TUBD1: variants seen among roughly 807,000 people sequenced by gnomAD.
The protein encoded by TUBD1 is tubulin delta chain.
In TUBD1, 38 loss-of-function variants were observed where a neutral mutation model predicts 51.2. The ratio of observed to expected loss-of-function variants is 0.74; its 90% confidence interval spans 0.57 to 0.97. The LOEUF (loss-of-function observed/expected upper bound fraction) is 0.97. Ranked by LOEUF, TUBD1 falls within the 50% of genes least tolerant of loss-of-function variation. The pLI, the probability that TUBD1 is intolerant of heterozygous loss-of-function variation, is 0.00. For synonymous variants in TUBD1, 169 were observed against 178.2 expected (o/e 0.95, Z 0.41); for missense variants, 489 against 538.4 (o/e 0.91, Z 0.91).
intron 4 of TUBD1, 44 bp downstream of exon 4, chr17:59,880,850 G>T (rs1178154321): frequency 1.3e-6 from 2 of 1,550,266 alleles, no homozygotes; most frequent in African/African-American, 1.4e-5. Context: ...TATTTCTATT[G>T]CAAAGAACAT....
rs1413602486 is a variant in TUBD1 at position 59,876,868 on chromosome 17, C to T, written c.769+1235G>A. ...TTCAGCTACTCTTACCTTAACCATTCTTTTTTTTTTTTTTAAATGGAGTCT... is the reference window on the plus strand; with the variant it reads ...TTCAGCTACTCTTACCTTAACCATTTTTTTTTTTTTTTTTAAATGGAGTCT... On this transcript the variant is annotated intron_variant, in intron 5 of 8. Transcript: ENST00000325752. Among the ~76,000 whole-genome samples, 3 of 143,386 alleles carry T rather than the reference C, an allele frequency of 2.1e-5. No homozygotes were observed. In the East Asian group the frequency reaches 6.1e-4, roughly 29 times the overall value. 94.1% of individuals were successfully genotyped at this position (143,386 alleles called of 152,430 possible).
intron 6 of TUBD1, 80 bp downstream of exon 6, chr17:59,874,453 AACTGGT>A (rs1443634289): frequency 1.5e-6 from 2 of 1,361,686 alleles, no homozygotes; most frequent in African/African-American, 2.9e-5. Context: ...CCATTATTTA[AACTGGT>A]CCAAGCCAGT....
At chr17:59,882,457 T>C (rs1255125900) in intron 3 of TUBD1, among the ~76,000 whole-genome samples, 1 of 151,924 alleles carries the variant, frequency 6.6e-6, no homozygotes, top group African/African-American at 2.4e-5. Flanking sequence ...CGGCTGATTT[T>C]TGTATTTTTA....
chr17:59,883,089 G>A (rs931334991), intron 3 of TUBD1, among the ~76,000 whole-genome samples: 22 of 151,436 alleles, frequency 1.5e-4, no homozygotes, highest in African/African-American at 3.2e-4. Flanking sequence ...CCAGCCGCCC[G>A]GCTAATTTCT....
rs756034077 is a variant in TUBD1 at position 59,866,698 on chromosome 17, T to C, written c.986A>G (p.Lys329Arg). 8.1e-6 allele frequency: 13 copies of C among 1,614,182 alleles called. No individual in the cohort carries two copies. Among genetic ancestry groups the C allele is most frequent in the Non-Finnish European group, 1.0e-5 (12 of 1,180,042 alleles). ...PPLSGLPPLS[K>R]MSLNKDLHFN... ...ATGCAGGTCCTTGTTGAGAGACATT[T>C]TACTAAGAGGAGGAAGTCCTGATAA... Residue 329 changes from lysine to arginine, a missense_variant, in exon 7 of 9, where the codon AAA becomes AGA. Physicochemically the swap from Lys to Arg is conservative, Grantham distance 26. Transcript: ENST00000325752.
chr17:59,888,182 G>T lies in TUBD1; in HGVS notation c.173-1952C>A, dbSNP rs920279620. Among the ~76,000 whole-genome samples the T allele has an allele frequency of 2.0e-5, 3 of 152,040 alleles. No individual in the cohort carries two copies. The East Asian group carries it at 5.8e-4, about 29-fold the overall frequency. On this transcript the variant is annotated intron_variant, in intron 2 of 8. Coordinates refer to ENST00000325752, the MANE Select transcript of TUBD1 (RefSeq NM_016261.4). ...GATCTCCTGACCTCATGATTCGCCCGCCTCGACCTCCCAAAGTGCTGGGAT... is the reference window on the plus strand; with the variant it reads ...GATCTCCTGACCTCATGATTCGCCCTCCTCGACCTCCCAAAGTGCTGGGAT...
intron 2 of TUBD1, chr17:59,886,491 G>A: frequency 6.3e-6 from 2 of 317,908 alleles, no homozygotes; most frequent in Non-Finnish European, 1.2e-5. Flanking sequence ...ATTAGCCGGC[G>A]TGGTGGCATG....
rs954091279 is a variant in TUBD1 at position 59,883,064 on chromosome 17, C to CGA, written c.321-1956_321-1955dup. Among the ~76,000 whole-genome samples the CGA allele has an allele frequency of 1.1e-4, 16 of 151,922 alleles. No individual in the cohort carries two copies. In the Middle Eastern group the frequency reaches 0.014, roughly 131 times the overall value. ...CCTCCCAAACTGCTGGGATCACAAG[C>CGA]GAGAGCCACCATACCCAGCCGCCCG... On this transcript the variant is annotated intron_variant, in intron 3 of 8. Coordinates refer to ENST00000325752, the MANE Select transcript of TUBD1 (RefSeq NM_016261.4).
chr17:59,861,010 A>G (rs943838643), intron 8 of TUBD1, among the ~76,000 whole-genome samples: 1 of 151,982 alleles, frequency 6.6e-6, no homozygotes, highest in Non-Finnish European at 1.5e-5. Flanking sequence ...ATATATATAT[A>G]CATATATAAC....
chr17:59,878,382 T>A, intron 4 of TUBD1, 48 bp from the exon 5 acceptor site: 2 of 1,376,386 alleles, frequency 1.5e-6, no homozygotes, highest in Non-Finnish European at 2.1e-6. Flanking sequence ...AGAATAATGG[T>A]TAAGATTACA....
At chr17:59,872,264 T>A (rs1344743513) in intron 6 of TUBD1, among the ~76,000 whole-genome samples, 3 of 152,100 alleles carry the variant, frequency 2.0e-5, no homozygotes, top group Middle Eastern at 3.2e-3. Flanking sequence ...CTAATTTTTT[T>A]AAATTATTTT....
intron 6 of TUBD1, among the ~76,000 whole-genome samples, chr17:59,867,032 TG>T (rs1185090742): frequency 6.6e-6 from 1 of 152,128 alleles, no homozygotes; most frequent in African/African-American, 2.4e-5. Context: ...TGACCTCGAA[TG>T]ATCTGCCTGC....
At chr17:59,882,332 G>A (rs1015690996) in intron 3 of TUBD1, among the ~76,000 whole-genome samples, 8 of 152,048 alleles carry the variant, frequency 5.3e-5, no homozygotes, top group African/African-American at 1.9e-4. Context: ...CGCCCAGGCT[G>A]GGGTGCAGTG....
intron 3 of TUBD1, chr17:59,885,355 C>T (rs1768863471): frequency 1.4e-6 from 1 of 728,666 alleles, no homozygotes; most frequent in Admixed American, 1.9e-5. Flanking sequence ...GAATATGTCC[C>T]CCACACCTGT....
At chr17:59,885,763 A>G (rs1352208624) in intron 3 of TUBD1, among the ~76,000 whole-genome samples, 1 of 152,202 alleles carries the variant, frequency 6.6e-6, no homozygotes, top group Non-Finnish European at 1.5e-5. Flanking sequence ...AAAGTTTGGG[A>G]ACTACTGTCT....
At chr17:59,892,524 A>T (rs544738349) in intron 1 of TUBD1, among the ~76,000 whole-genome samples, 173 bp downstream of exon 1, 1 of 152,352 alleles carries the variant, frequency 6.6e-6, no homozygotes, top group African/African-American at 2.4e-5. Context: ...TCTGTGCTTA[A>T]AATGTCAAAC....
At chr17:59,878,073 C>T in intron 5 of TUBD1, 30 bp downstream of exon 5, 1 of 1,556,144 alleles carries the variant, frequency 6.4e-7, no homozygotes, top group Non-Finnish European at 8.8e-7. Flanking sequence ...ATAAGGCTTT[C>T]CTATAATTAA....
chr17:59,874,763 T>C, intron 5 of TUBD1, 60 bp from the exon 6 acceptor site: 1 of 1,397,284 alleles, frequency 7.2e-7, no homozygotes, highest in Non-Finnish European at 9.9e-7. Context: ...GCCAATAGTC[T>C]ATATATAACC....
Position 59,874,559 on chromosome 17 carries a change from G to A in TUBD1, c.914C>T (p.Ser305Phe), listed in dbSNP as rs1193826100. The A allele has an allele frequency of 1.2e-6, 2 of 1,610,944 alleles. No homozygotes were observed. The highest frequency in any genetic ancestry group is 1.7e-6 in the Non-Finnish European group (2 of 1,179,446). The change falls in exon 6 of 9, where the codon TCT becomes TTT. Residue 305 changes from serine to phenylalanine, a missense_variant. Ser to Phe is a radical substitution (Grantham distance 155). Transcript: ENST00000325752. Reference sequence around the variant, plus strand: ...TTTACCTTCTTCCATCTTTGCATTAGAAATGAGCATCTGTCTCAAATGCTT... The same window carrying A: ...TTTACCTTCTTCCATCTTTGCATTAAAAATGAGCATCTGTCTCAAATGCTT... ...LLKHLRQMLI[S>F]NAKMEEGIDR...
Sources: gnomAD v4.1 joint callset for allele counts (sites outside exome capture counted in the v4.1 genomes callset) on GRCh38, gnomAD v4.1.1 for gene constraint, MANE v1.5 for transcripts, NCBI Gene and HGNC (gene_info 2026-07-23, HGNC 2026-07-21) for gene names.